Variants in TTC39C observed in about 807,000 individuals in gnomAD.
TTC39C encodes tetratricopeptide repeat protein 39C.
In TTC39C, 33 loss-of-function variants were observed where a neutral mutation model predicts 76.3. That is an observed-to-expected ratio of 0.43 (90% CI 0.33 to 0.58). The LOEUF (loss-of-function observed/expected upper bound fraction) is 0.58, where lower values mean the gene tolerates loss of function less well. TTC39C is among the 20% of genes least tolerant of loss of function. TTC39C has a pLI of 0.04. For missense variants in TTC39C, 595 were observed against 701.4 expected (o/e 0.85, Z 1.71); for synonymous variants, 254 against 260.6 (o/e 0.97, Z 0.24).
intron 1 of TTC39C, among the ~76,000 whole-genome samples, chr18:24,059,159 C>T (rs973134433): frequency 6.6e-6 from 1 of 152,008 alleles, no homozygotes; most frequent in Non-Finnish European, 1.5e-5. Flanking sequence ...TGCTGTTCTT[C>T]AGATTTGATT....
chr18:24,066,256 A>C (rs1259994096), intron 3 of TTC39C, 116 bp downstream of exon 3: 1 of 1,314,726 alleles, frequency 7.6e-7, no homozygotes, highest in East Asian at 2.9e-5. Context: ...TGACTGAAAA[A>C]CCACAATGTT....
At chr18:24,121,837 A>G (rs1338246758) in intron 8 of TTC39C, among the ~76,000 whole-genome samples, 5 of 152,194 alleles carry the variant, frequency 3.3e-5, no homozygotes, top group Admixed American at 1.3e-4. Flanking sequence ...AGACCTTTGC[A>G]TCCTCTGATC....
At chr18:24,004,850 G>T (rs999299353) in intron 1 of TTC39C, among the ~76,000 whole-genome samples, 2 of 152,180 alleles carry the variant, frequency 1.3e-5, no homozygotes, top group African/African-American at 4.8e-5. Context: ...CTTTCTGGGA[G>T]TTACCATCTG....
intron 6 of TTC39C, 40 bp from the exon 7 acceptor site, chr18:24,114,514 C>G: frequency 7.0e-7 from 1 of 1,424,400 alleles, no homozygotes; most frequent in Non-Finnish European, 9.9e-7. Flanking sequence ...ATGTTATCGA[C>G]AGATCTTAGC....
intron 6 of TTC39C, among the ~76,000 whole-genome samples, chr18:24,102,542 C>T (rs533116557): frequency 2.7e-4 from 41 of 152,226 alleles, no homozygotes; most frequent in African/African-American, 8.7e-4. Context: ...TGGGTGGAGA[C>T]GACTGGAGAG....
At position 24,032,494 on chromosome 18, in the gene TTC39C, A is replaced by G. The variant is rs1015217165; in HGVS notation, c.167+17456A>G. Among the ~76,000 whole-genome samples, 52 of 152,256 alleles carry G rather than the reference A, an allele frequency of 3.4e-4. 1 individual carries two copies. Among genetic ancestry groups the G allele is most frequent in the Non-Finnish European group, 6.8e-4 (46 of 68,050 alleles). ...CAGATTTTGGAATATTTGCTTATAC[A>G]TAATGAGATATTTTAGGAATGGGAC... On this transcript the variant is annotated intron_variant, in intron 1 of 13. Transcript: ENST00000317571.
chr18:24,000,708 C>T (rs532040610), intron 1 of TTC39C: 1 of 152,202 alleles, frequency 6.6e-6, no homozygotes, highest in Non-Finnish European at 1.5e-5. Context: ...AGTCACACAG[C>T]GCTCTGTTCT....
intron 1 of TTC39C, among the ~76,000 whole-genome samples, chr18:24,040,300 A>G (rs2083777476): frequency 6.6e-6 from 1 of 152,178 alleles, no homozygotes; most frequent in Non-Finnish European, 1.5e-5. Context: ...CATCTATAAT[A>G]TATTTCTGTG....
At chr18:24,023,962 A>ATTTTTT (rs70937591) in intron 1 of TTC39C, among the ~76,000 whole-genome samples, 1 of 46,520 alleles carries the variant, frequency 2.1e-5, no homozygotes, top group South Asian at 1.0e-3. Context: ...ATATATATAT[A>ATTTTTT]TATATATATA....
intron 6 of TTC39C, among the ~76,000 whole-genome samples, chr18:24,111,768 A>C (rs2084814575): frequency 6.6e-6 from 1 of 151,658 alleles, no homozygotes; most frequent in African/African-American, 2.4e-5. Flanking sequence ...CAGACACAGC[A>C]GTGCATGCCC....
intron 6 of TTC39C, among the ~76,000 whole-genome samples, chr18:24,107,894 G>C (rs981074512): frequency 2.8e-5 from 4 of 145,380 alleles, no homozygotes; most frequent in Admixed American, 6.7e-5. Context: ...AAGTAGGGGG[G>C]GGGGTACAGG....
chr18:24,117,580 T>C (rs2084910830), intron 7 of TTC39C, among the ~76,000 whole-genome samples: 1 of 152,004 alleles, frequency 6.6e-6, no homozygotes, highest in Non-Finnish European at 1.5e-5. Flanking sequence ...TGGGTGCCTG[T>C]AATCCCAGCT....
At chr18:24,085,501 T>G (rs922918943) in intron 6 of TTC39C, among the ~76,000 whole-genome samples, 41 of 152,258 alleles carry the variant, frequency 2.7e-4, no homozygotes, top group African/African-American at 9.2e-4. Flanking sequence ...CCACGACTAA[T>G]TCCTATAGAG....
intron 6 of TTC39C, among the ~76,000 whole-genome samples, chr18:24,085,972 A>G (rs962957392): frequency 6.6e-6 from 1 of 152,204 alleles, no homozygotes; most frequent in African/African-American, 2.4e-5. Flanking sequence ...ATCAGAAATG[A>G]CCATGTCATC....
intron 1 of TTC39C, among the ~76,000 whole-genome samples, chr18:24,025,625 T>G (rs1472848347): frequency 6.6e-6 from 1 of 152,224 alleles, no homozygotes; most frequent in Non-Finnish European, 1.5e-5. Flanking sequence ...TGCTGGATGA[T>G]CTCATACATT....
intron 10 of TTC39C, among the ~76,000 whole-genome samples, chr18:24,127,386 C>T (rs544716604): frequency 6.6e-6 from 1 of 152,282 alleles, no homozygotes; most frequent in African/African-American, 2.4e-5. Flanking sequence ...TCAGAGTCCC[C>T]ATCCACAGCT....
rs545370159 is a variant in TTC39C, at chr18:24,049,828, A to G, written c.168-14312A>G. Among the ~76,000 whole-genome samples, 6 of 152,360 alleles carry G rather than the reference A, an allele frequency of 3.9e-5. No homozygotes were observed. The South Asian group carries it at 1.2e-3, about 32-fold the overall frequency. ...GGAAATAAATGGAAACACGGAATGG[A>G]AACATTTCCTATTTTCCCTATTGTT... On this transcript the variant is annotated intron_variant, in intron 1 of 13. Coordinates refer to ENST00000317571, the MANE Select transcript of TTC39C (RefSeq NM_001135993.2).
intron 1 of TTC39C, among the ~76,000 whole-genome samples, chr18:23,993,731 T>A (rs918820591): frequency 6.6e-6 from 1 of 152,198 alleles, no homozygotes; most frequent in African/African-American, 2.4e-5. Flanking sequence ...CTATTCTAGA[T>A]AATTATTTAA....
intron 1 of TTC39C, among the ~76,000 whole-genome samples, chr18:24,017,249 G>A (rs1206886354): frequency 1.3e-5 from 2 of 152,278 alleles, no homozygotes; most frequent in Admixed American, 6.5e-5. Context: ...TGCTTCTGAT[G>A]TATGTTTTGG....
Sources: allele counts gnomAD v4.1 joint callset (sites outside exome capture counted in the v4.1 genomes callset), GRCh38; gene constraint gnomAD v4.1.1; transcripts MANE v1.5; gene names NCBI Gene and HGNC (gene_info 2026-07-23, HGNC 2026-07-21).